ADAMTS12: variants seen among roughly 807,000 people sequenced by gnomAD.
ADAMTS12 encodes ADAM metallopeptidase with thrombospondin type 1 motif 12.
ADAMTS12 carries 118 observed loss-of-function variants against 167.8 expected under a neutral mutation model. The ratio of observed to expected loss-of-function variants is 0.70; its 90% CI spans 0.61 to 0.82. The LOEUF is 0.82. ADAMTS12 is among the 40% of genes least tolerant of loss of function. The probability of loss-of-function intolerance (pLI) is 0.00; values close to 1 mark genes in which losing one functional copy is unlikely to be tolerated. For missense variants in ADAMTS12, 1,916 were observed against 1,998.8 expected (o/e 0.96, Z 0.79); for synonymous variants, 704 against 716.9 (o/e 0.98, Z 0.29).
At chr5:33,810,603 T>C (rs891381048) in intron 2 of ADAMTS12, among the ~76,000 whole-genome samples, 1 of 152,222 alleles carries the variant, frequency 6.6e-6, no homozygotes, top group African/African-American at 2.4e-5. Context: ...AAGTAATTTC[T>C]AGAAATCTAG....
At chr5:33,835,943 CTCTCTCTCTCTGTGTGTGTG>C (rs769858766) in intron 2 of ADAMTS12, among the ~76,000 whole-genome samples, 4 of 46,698 alleles carry the variant, frequency 8.6e-5, no homozygotes, top group African/African-American at 2.5e-4. Flanking sequence ...CTCTCTCTCT[CTCTCTCTCTCTGTGTGTGTG>C]TGTGTGTCCA....
chr5:33,860,121 A>G (rs565771826), intron 2 of ADAMTS12, among the ~76,000 whole-genome samples: 64 of 152,210 alleles, frequency 4.2e-4, no homozygotes, highest in Non-Finnish European at 7.6e-4. Flanking sequence ...AAGGATCACA[A>G]CTCCTTGCCA....
At chr5:33,762,430 C>A (rs997620774) in intron 2 of ADAMTS12, among the ~76,000 whole-genome samples, 3 of 151,848 alleles carry the variant, frequency 2.0e-5, no homozygotes, top group African/African-American at 7.3e-5. Context: ...ATGGTGTGAA[C>A]CCGGGAGGCG....
chr5:33,656,413 A>G (rs1020936271), intron 7 of ADAMTS12, among the ~76,000 whole-genome samples: 1 of 152,226 alleles, frequency 6.6e-6, no homozygotes, highest in African/African-American at 2.4e-5. Context: ...CCTTCCTTAC[A>G]AAGGTGAAGT....
At chr5:33,779,086 A>G (rs1746019468) in intron 2 of ADAMTS12, among the ~76,000 whole-genome samples, 1 of 152,200 alleles carries the variant, frequency 6.6e-6, no homozygotes, top group Admixed American at 6.5e-5. Context: ...GCCATTATAG[A>G]AAACATTATG....
At chr5:33,822,847 G>T (rs892479129) in intron 2 of ADAMTS12, among the ~76,000 whole-genome samples, 17 of 152,068 alleles carry the variant, frequency 1.1e-4, no homozygotes, top group African/African-American at 3.9e-4. Flanking sequence ...CAGCACTTTG[G>T]GGGGCCAAGG....
At chr5:33,568,083 T>C (rs919009153) in intron 19 of ADAMTS12, among the ~76,000 whole-genome samples, 1 of 152,206 alleles carries the variant, frequency 6.6e-6, no homozygotes, top group African/African-American at 2.4e-5. Context: ...TAGCATAAAA[T>C]CATGCTTGTA....
chr5:33,692,664 G>A (rs1007117661), intron 3 of ADAMTS12, among the ~76,000 whole-genome samples: 3 of 152,178 alleles, frequency 2.0e-5, no homozygotes, highest in East Asian at 1.9e-4. Flanking sequence ...CTCAGAGTCC[G>A]TAATCCTAGG....
intron 2 of ADAMTS12, among the ~76,000 whole-genome samples, chr5:33,787,723 C>T (rs759278896): frequency 1.3e-5 from 2 of 152,176 alleles, no homozygotes; most frequent in African/African-American, 2.4e-5. Context: ...ATCCCCACTG[C>T]CCCCACCTCC....
rs573189902 is a variant in ADAMTS12, at chr5:33,800,397, A to G, written c.490-48849T>C. Reference sequence around the variant, plus strand: ...CATGAGCTGAGGGGAACACTCAGAAAAGGAGTCACTGCGGATATGTGGGCT... The same window carrying G: ...CATGAGCTGAGGGGAACACTCAGAAGAGGAGTCACTGCGGATATGTGGGCT... On this transcript the variant is annotated intron_variant, in intron 2 of 23. Transcript: ENST00000504830. Among the ~76,000 whole-genome samples, 6 of 152,324 alleles carry G rather than the reference A, an allele frequency of 3.9e-5. No homozygotes were observed. In the East Asian group the frequency reaches 1.2e-3, roughly 29 times the overall value.
At chr5:33,600,781 T>A (rs962853348) in intron 16 of ADAMTS12, among the ~76,000 whole-genome samples, 3 of 152,218 alleles carry the variant, frequency 2.0e-5, no homozygotes, top group Non-Finnish European at 4.4e-5. Flanking sequence ...ATAACATTGA[T>A]TTTAATAATA....
At position 33,735,398 on chromosome 5, in the gene ADAMTS12, G is replaced by A. The variant is rs529461964; in HGVS notation, c.634+16006C>T. Reference sequence around the variant, plus strand: ...CAGCAAGTTTTTATCACTATTAAAGGGCCAGATAGTAAATGTTTTTGCTAT... The same window carrying A: ...CAGCAAGTTTTTATCACTATTAAAGAGCCAGATAGTAAATGTTTTTGCTAT... On this transcript the variant is annotated intron_variant, in intron 3 of 23. Transcript: ENST00000504830. Among the ~76,000 whole-genome samples, 5 of 152,258 alleles carry A rather than the reference G, an allele frequency of 3.3e-5. No individual in the cohort carries two copies. The South Asian group carries it at 1.0e-3, about 32-fold the overall frequency.
chr5:33,712,518 G>T (rs1006363542), intron 3 of ADAMTS12, among the ~76,000 whole-genome samples: 1 of 152,070 alleles, frequency 6.6e-6, no homozygotes, highest in Non-Finnish European at 1.5e-5. Context: ...GGATACGTTG[G>T]CAACACTAAG....
At chr5:33,817,984 G>A (rs927379840) in intron 2 of ADAMTS12, among the ~76,000 whole-genome samples, 5 of 151,978 alleles carry the variant, frequency 3.3e-5, no homozygotes, top group Admixed American at 3.3e-4. Flanking sequence ...GGATTTATTT[G>A]TCTTTTTAAA....
At chr5:33,614,500 C>G in intron 15 of ADAMTS12, 124 bp from the exon 16 acceptor site, 1 of 1,164,140 alleles carries the variant, frequency 8.6e-7, no homozygotes, top group Non-Finnish European at 1.2e-6. Context: ...TGGAATAAAG[C>G]CATTAAATAG....
chr5:33,720,563 A>T (rs1431065893), intron 3 of ADAMTS12, among the ~76,000 whole-genome samples: 1 of 152,206 alleles, frequency 6.6e-6, no homozygotes, highest in Non-Finnish European at 1.5e-5. Flanking sequence ...TGCCAGATGG[A>T]GAGAAGCTGA....
chr5:33,625,396 G>C (rs1373226343), intron 13 of ADAMTS12, among the ~76,000 whole-genome samples: 1 of 152,010 alleles, frequency 6.6e-6, no homozygotes, highest in Admixed American at 6.6e-5. Context: ...TGAGTAAAAT[G>C]CCAGCCCTTC....
At chr5:33,542,459 C>A (rs1744755052) in intron 22 of ADAMTS12, among the ~76,000 whole-genome samples, 1 of 152,112 alleles carries the variant, frequency 6.6e-6, no homozygotes, top group Non-Finnish European at 1.5e-5. Context: ...ATCAAGGAGA[C>A]AGAAGGTTAA....
intron 14 of ADAMTS12, 134 bp from the exon 15 acceptor site, chr5:33,616,206 T>C (rs4078398): frequency 0.62 from 762,412 of 1,237,500 alleles, 236,755 homozygotes; most frequent in African/African-American, 0.79. Flanking sequence ...CCACTGGAAT[T>C]GGCAGAAGCA....
Sources: gnomAD v4.1 joint callset for allele counts (sites outside exome capture counted in the v4.1 genomes callset) on GRCh38, gnomAD v4.1.1 for gene constraint, MANE v1.5 for transcripts, NCBI Gene and HGNC (gene_info 2026-07-23, HGNC 2026-07-21) for gene names.